The following CPAP variants were observed in gnomAD, a reference collection of about 807,000 sequenced individuals.
CPAP encodes centrosomal P4.1-associated protein.
At chr13:24,913,077 A>G in the CPAP span, 3 of 1,522,206 alleles carry the variant, frequency 2.0e-6, no homozygotes, top group South Asian at 1.1e-5. Flanking sequence ...TAGAAGAGCT[A>G]TTGATTTCCA....
chr13:24,895,706 A>G, the CPAP span, among the ~76,000 whole-genome samples: 2 of 152,270 alleles, frequency 1.3e-5, no homozygotes, highest in African/African-American at 4.8e-5. Flanking sequence ...CAAGGGAGCC[A>G]TGGACTTAAA....
the CPAP span, among the ~76,000 whole-genome samples, chr13:24,901,016 GAAC>G: frequency 6.6e-6 from 1 of 152,180 alleles, no homozygotes; most frequent in African/African-American, 2.4e-5. Flanking sequence ...CAGGTAGAGA[GAAC>G]AACGAGGCAG....
the CPAP span, chr13:24,905,290 T>G: frequency 6.6e-7 from 1 of 1,505,506 alleles, no homozygotes; most frequent in African/African-American, 1.4e-5. Flanking sequence ...GACAGCATAC[T>G]GATTAATGTT....
the CPAP span, among the ~76,000 whole-genome samples, chr13:24,890,262 G>A: frequency 6.6e-6 from 1 of 152,220 alleles, no homozygotes; most frequent in Admixed American, 6.5e-5. Flanking sequence ...ATATCCAGGT[G>A]TTAATTGTAC....
the CPAP span, among the ~76,000 whole-genome samples, chr13:24,926,903 T>C: frequency 6.6e-6 from 1 of 152,176 alleles, no homozygotes; most frequent in Non-Finnish European, 1.5e-5. Flanking sequence ...ACAACTTCCT[T>C]ATGATCCCAT....
At chr13:24,923,611 C>T in the CPAP span, among the ~76,000 whole-genome samples, 8 of 152,228 alleles carry the variant, frequency 5.3e-5, no homozygotes, top group East Asian at 1.4e-3. Flanking sequence ...TACCTGGCTT[C>T]CATGTCTGAT....
chr13:24,898,085 G>A, the CPAP span, among the ~76,000 whole-genome samples: 1 of 152,140 alleles, frequency 6.6e-6, no homozygotes, highest in Admixed American at 6.5e-5. Context: ...TCGTAGAGAT[G>A]GAGATTTGCC....
At chr13:24,933,257 A>AC in the CPAP span, 5 of 769,922 alleles carry the variant, frequency 6.5e-6, no homozygotes, top group Non-Finnish European at 8.5e-6. Context: ...CTGGAAGCTC[A>AC]TCAGGAGAGA....
At chr13:24,922,716 G>T in the CPAP span, 2 of 152,282 alleles carry the variant, frequency 1.3e-5, no homozygotes, top group Non-Finnish European at 2.9e-5. Flanking sequence ...TCCGGCGCAG[G>T]GCGGCGGACA....
At chr13:24,887,077 T>C in the CPAP span, among the ~76,000 whole-genome samples, 143 of 152,104 alleles carry the variant, frequency 9.4e-4, no homozygotes, top group Middle Eastern at 3.4e-3. Context: ...AGTGCTGGAA[T>C]AGCTGGGTAG....
chr13:24,883,211 T>A, the CPAP span: 1 of 1,614,104 alleles, frequency 6.2e-7, no homozygotes, highest in Non-Finnish European at 8.5e-7. Context: ...ATTACCCTCC[T>A]TGTCCTTAAC....
At chr13:24,921,865 T>TGA in the CPAP span, among the ~76,000 whole-genome samples, 477 of 152,282 alleles carry the variant, frequency 3.1e-3, 6 homozygotes, top group African/African-American at 0.011. Flanking sequence ...TTCAATTTCA[T>TGA]GACCGCGATT....
At chr13:24,932,163 C>T in the CPAP span, among the ~76,000 whole-genome samples, 2 of 152,086 alleles carry the variant, frequency 1.3e-5, no homozygotes, top group African/African-American at 4.8e-5. Context: ...ACAAGGGACC[C>T]GGAACAGCGA....
chr13:24,915,704 C>G, the CPAP span, among the ~76,000 whole-genome samples: 4 of 152,074 alleles, frequency 2.6e-5, no homozygotes, highest in Non-Finnish European at 5.9e-5. Context: ...ACTCAGGAGA[C>G]AGGAGAATTG....
chr13:24,926,777 C>T, the CPAP span, among the ~76,000 whole-genome samples: 13 of 152,286 alleles, frequency 8.5e-5, no homozygotes, highest in African/African-American at 1.9e-4. Context: ...AAGATCAACA[C>T]GGCAATCAGG....
At chr13:24,932,042 C>CGGT in the CPAP span, among the ~76,000 whole-genome samples, 1 of 152,352 alleles carries the variant, frequency 6.6e-6, no homozygotes, top group Non-Finnish European at 1.5e-5. Flanking sequence ...GGCGACGGTC[C>CGGT]CTGCTAGGGA....
At chr13:24,912,819 A>T in the CPAP span, 1 of 1,614,202 alleles carries the variant, frequency 6.2e-7, no homozygotes, top group Non-Finnish European at 8.5e-7. Flanking sequence ...AATCTTCTTC[A>T]TTTATAAAGC....
At chr13:24,905,482 G>A in the CPAP span, 2 of 1,614,154 alleles carry the variant, frequency 1.2e-6, no homozygotes, top group African/African-American at 1.3e-5. Context: ...TCCTGGACTT[G>A]CTCAAGTCTT....
the CPAP span, chr13:24,912,216 C>T: frequency 1.9e-5 from 14 of 741,140 alleles, no homozygotes; most frequent in Admixed American, 4.7e-5. Flanking sequence ...AATCAGCCAC[C>T]GAAAATCTAA....
Sources: gnomAD v4.1 joint callset for allele counts (sites outside exome capture counted in the v4.1 genomes callset) on GRCh38, gnomAD v4.1.1 for gene constraint, MANE v1.5 for transcripts, NCBI Gene and HGNC (gene_info 2026-07-23, HGNC 2026-07-21) for gene names.